The following MDGA2 variants were observed in gnomAD, a reference collection of about 807,000 sequenced individuals.
MDGA2 encodes MAM domain containing glycosylphosphatidylinositol anchor 2, also known as MAM domain-containing glycosylphosphatidylinositol anchor protein 2.
MDGA2 carries 40 observed loss-of-function variants against 117.8 expected under a neutral mutation model. The ratio of observed to expected loss-of-function variants is 0.34; its 90% confidence interval spans 0.26 to 0.44. The LOEUF is 0.44. Among genes scored for constraint, MDGA2 ranks in the 20% least tolerant of loss-of-function variants. The probability of loss-of-function intolerance (pLI) is 1.00; values close to 1 mark genes in which losing one functional copy is unlikely to be tolerated. For synonymous variants in MDGA2, 452 were observed against 439.0 expected (o/e 1.03, Z -0.37); for missense variants, 1,123 against 1,250.6 (o/e 0.90, Z 1.54).
At chr14:47,013,683 A>G (rs1887973891) in intron 8 of MDGA2, among the ~76,000 whole-genome samples, 1 of 150,358 alleles carries the variant, frequency 6.7e-6, no homozygotes, top group South Asian at 2.1e-4. Context: ...TATTACTTAA[A>G]TAATAAGACT....
chr14:47,463,027 A>G (rs1893524391), intron 1 of MDGA2, among the ~76,000 whole-genome samples: 2 of 151,934 alleles, frequency 1.3e-5, no homozygotes, highest in African/African-American at 4.8e-5. Flanking sequence ...GTGTGTGTGC[A>G]TGTGTGTGTA....
chr14:46,912,883 T>C (rs1379242602), intron 10 of MDGA2, among the ~76,000 whole-genome samples: 2 of 152,184 alleles, frequency 1.3e-5, no homozygotes, highest in Non-Finnish European at 2.9e-5. Context: ...ATGAAGCAGA[T>C]ATATGCAATG....
intron 1 of MDGA2, among the ~76,000 whole-genome samples, chr14:47,565,780 C>A (rs1406165004): frequency 6.6e-6 from 1 of 152,190 alleles, no homozygotes; most frequent in Non-Finnish European, 1.5e-5. Flanking sequence ...CATTCATACC[C>A]ATGGCCGTGC....
intron 1 of MDGA2, among the ~76,000 whole-genome samples, chr14:47,460,493 CACAGAGA>C (rs1437058352): frequency 7.9e-5 from 12 of 151,210 alleles, no homozygotes; most frequent in African/African-American, 2.9e-4. Flanking sequence ...TTAGATGAGA[CACAGAGA>C]AGAGAGGGGA....
chr14:47,129,498 A>G (rs1882086562), intron 5 of MDGA2, among the ~76,000 whole-genome samples: 1 of 149,478 alleles, frequency 6.7e-6, no homozygotes, highest in South Asian at 2.1e-4. Context: ...TCATTGTTGG[A>G]CATTTGGGTT....
chr14:47,351,890 C>T (rs1890890292), intron 1 of MDGA2, among the ~76,000 whole-genome samples: 1 of 139,734 alleles, frequency 7.2e-6, no homozygotes, highest in African/African-American at 2.7e-5. Flanking sequence ...ATGTTATATG[C>T]TCTCTAAATT....
At chr14:47,550,687 T>C (rs764025642) in intron 1 of MDGA2, among the ~76,000 whole-genome samples, 1 of 152,232 alleles carries the variant, frequency 6.6e-6, no homozygotes, top group Non-Finnish European at 1.5e-5. Context: ...CAAATTCTTG[T>C]CTCACTATAT....
rs187704156 is a variant in MDGA2, at chr14:47,088,292, A to G, written c.1195+8562T>C. On this transcript the variant is annotated intron_variant, in intron 6 of 16. Coordinates refer to ENST00000399232, the MANE Select transcript of MDGA2 (RefSeq NM_001113498.3). ...TTTTTGAGCTACAAAGTAATATAAT[A>G]ACATTCTCTCTGGTGTTTTGGGGAG... Among the ~76,000 whole-genome samples the G allele has an allele frequency of 2.6e-4, 40 of 152,244 alleles. No individual in the cohort carries two copies. In the East Asian group the frequency reaches 3.1e-3, roughly 12 times the overall value.
chr14:47,239,239 T>G (rs1172656750), intron 2 of MDGA2, among the ~76,000 whole-genome samples: 1 of 148,906 alleles, frequency 6.7e-6, no homozygotes, highest in African/African-American at 2.5e-5. Flanking sequence ...AAAAAAGGGC[T>G]CTGATAAGTG....
At chr14:47,129,662 G>C (rs1428419131) in intron 5 of MDGA2, among the ~76,000 whole-genome samples, 3 of 150,104 alleles carry the variant, frequency 2.0e-5, no homozygotes, top group Non-Finnish European at 4.4e-5. Flanking sequence ...CGGAGGAATC[G>C]CCACACTGAC....
At position 47,143,503 on chromosome 14, in the gene MDGA2, C is replaced by T. The variant is rs577040986; in HGVS notation, c.792+575G>A. Reference sequence around the variant, plus strand: ...TATTACACAAGAATATTTCATATTACGCTCACTTTATGTAAAATTAATTCA... The same window carrying T: ...TATTACACAAGAATATTTCATATTATGCTCACTTTATGTAAAATTAATTCA... On this transcript the variant is annotated intron_variant, in intron 4 of 16. Transcript: ENST00000399232. Among the ~76,000 whole-genome samples the T allele has an allele frequency of 5.3e-5, 8 of 152,172 alleles. 1 individual carries two copies. The highest frequency in any genetic ancestry group is 3.9e-4 in the East Asian group (2 of 5,178).
chr14:47,623,892 T>C (rs1488254113), intron 1 of MDGA2, among the ~76,000 whole-genome samples: 5 of 152,216 alleles, frequency 3.3e-5, no homozygotes, highest in Non-Finnish European at 5.9e-5. Context: ...ACTGAAATTA[T>C]CCATCACTTC....
At chr14:47,384,025 T>TAGATAGATAGATAGATAATAGA (rs60630027) in intron 1 of MDGA2, among the ~76,000 whole-genome samples, 48 of 143,950 alleles carry the variant, frequency 3.3e-4, no homozygotes, top group South Asian at 6.7e-4. Context: ...AATAGATAGA[T>TAGATAGATAGATAGATAATAGA]TAGATAAAGA....
Position 47,432,714 on chromosome 14 carries a change from G to A in MDGA2, c.281-131164C>T, listed in dbSNP as rs931193684. 1.8e-4 allele frequency among the ~76,000 whole-genome samples: 28 copies of A among 152,068 alleles called. 1 individual carries two copies. The highest frequency in any genetic ancestry group is 5.8e-4 in the African/African-American group (24 of 41,504). On this transcript the variant is annotated intron_variant, in intron 1 of 16. Coordinates refer to ENST00000399232, the MANE Select transcript of MDGA2 (RefSeq NM_001113498.3). ...TGAATGTTAGAAAAATTGATCTTCCGATCTTGATATTACTAATTTGTACAA... is the reference window on the plus strand; with the variant it reads ...TGAATGTTAGAAAAATTGATCTTCCAATCTTGATATTACTAATTTGTACAA...
At chr14:47,596,635 T>C (rs1474841) in intron 1 of MDGA2, among the ~76,000 whole-genome samples, 83,075 of 151,978 alleles carry the variant, frequency 0.55, 23,602 homozygotes, top group East Asian at 0.71. Context: ...CTAGAAATTG[T>C]ACTTTTCTGT....
intron 1 of MDGA2, among the ~76,000 whole-genome samples, chr14:47,489,913 G>A (rs1403264406): frequency 7.9e-5 from 12 of 151,958 alleles, no homozygotes; most frequent in Admixed American, 6.6e-4. Context: ...TGAAAACAAG[G>A]TTACTCTCAA....
chr14:47,489,611 A>G (rs1244072632), intron 1 of MDGA2, among the ~76,000 whole-genome samples: 1 of 152,090 alleles, frequency 6.6e-6, no homozygotes, highest in Non-Finnish European at 1.5e-5. Flanking sequence ...TAAAATTTGC[A>G]TGATAAAATT....
intron 1 of MDGA2, among the ~76,000 whole-genome samples, chr14:47,600,723 T>TAA (rs377627666): frequency 7.1e-6 from 1 of 140,084 alleles, no homozygotes. Context: ...ATCGGATCAT[T>TAA]AAAAAAAAAA....
At chr14:46,928,683 C>T (rs1217561366) in intron 9 of MDGA2, among the ~76,000 whole-genome samples, 1 of 152,130 alleles carries the variant, frequency 6.6e-6, no homozygotes, top group East Asian at 1.9e-4. Flanking sequence ...AACTAAAATA[C>T]TTTCCTCCTG....
Sources: gnomAD v4.1 joint callset for allele counts (sites outside exome capture counted in the v4.1 genomes callset) on GRCh38, gnomAD v4.1.1 for gene constraint, MANE v1.5 for transcripts, NCBI Gene and HGNC (gene_info 2026-07-23, HGNC 2026-07-21) for gene names.